ROBO2: variants seen among roughly 807,000 people sequenced by gnomAD.
The protein encoded by ROBO2 is roundabout guidance receptor 2.
In ROBO2, 53 loss-of-function variants were observed where a neutral mutation model predicts 160.8. The observed-to-expected ratio is 0.33, with a 90% CI of 0.26 to 0.41. The LOEUF (loss-of-function observed/expected upper bound fraction) is 0.41, where lower values mean the gene tolerates loss of function less well. Among genes scored for constraint, ROBO2 ranks in the 10% least tolerant of loss-of-function variants. The pLI is 1.00. For synonymous variants in ROBO2, 664 were observed against 611.7 expected, an observed-to-expected ratio of 1.09 and a Z score of -1.26; for missense variants, 1,577 against 1,722.4, an observed-to-expected ratio of 0.92 and a Z score of 1.49.
At chr3:76,514,962 A>G (rs2081278640) in intron 2 of ROBO2, among the ~76,000 whole-genome samples, 1 of 152,172 alleles carries the variant, frequency 6.6e-6, no homozygotes, top group Admixed American at 6.5e-5. Context: ...TGGTGTTTGC[A>G]TAATGTTTTT....
chr3:77,003,573 T>G (rs13064367), intron 2 of ROBO2, among the ~76,000 whole-genome samples: 1 of 152,120 alleles, frequency 6.6e-6, no homozygotes, highest in Admixed American at 6.6e-5. Flanking sequence ...TGTTCGTTTG[T>G]TTTTTGAGAC....
Position 77,628,029 on chromosome 3 carries a change from C to G in ROBO2, c.3760+5597C>G, listed in dbSNP as rs113779839. Among the ~76,000 whole-genome samples, 337 of 152,234 alleles carry G rather than the reference C, an allele frequency of 2.2e-3. 2 individuals are homozygous for G. The highest frequency in any genetic ancestry group is 7.8e-3 in the African/African-American group (324 of 41,554). On this transcript the variant is annotated intron_variant, in intron 23 of 25. Transcript: ENST00000461745. ...CACTTTATCATGATATTTTACTGCTCAGTAACATCTGAGCAACAACTTAAT... is the reference window on the plus strand; with the variant it reads ...CACTTTATCATGATATTTTACTGCTGAGTAACATCTGAGCAACAACTTAAT...
intron 2 of ROBO2, among the ~76,000 whole-genome samples, chr3:77,325,636 A>T (rs1163910855): frequency 1.3e-5 from 2 of 152,222 alleles, no homozygotes; most frequent in Non-Finnish European, 2.9e-5. Context: ...TAAAATGGCC[A>T]TCAAATTCTT....
chr3:76,161,412 A>T (rs2072633565), intron 2 of ROBO2, among the ~76,000 whole-genome samples: 1 of 152,142 alleles, frequency 6.6e-6, no homozygotes, highest in Admixed American at 6.6e-5. Flanking sequence ...GAAAAATCCT[A>T]AAACACATCA....
chr3:76,788,845 A>AG (rs1017850057), intron 2 of ROBO2, among the ~76,000 whole-genome samples: 35 of 151,598 alleles, frequency 2.3e-4, no homozygotes, highest in African/African-American at 8.5e-4. Flanking sequence ...GGGGATACTA[A>AG]GAGAAAGTTT....
At chr3:76,477,928 C>T (rs993570475) in intron 2 of ROBO2, among the ~76,000 whole-genome samples, 3 of 151,906 alleles carry the variant, frequency 2.0e-5, no homozygotes, top group Non-Finnish European at 4.4e-5. Flanking sequence ...TAGCAATTTT[C>T]CTCTCACAAT....
intron 2 of ROBO2, among the ~76,000 whole-genome samples, chr3:77,148,105 A>G (rs1355339073): frequency 6.6e-6 from 1 of 152,234 alleles, no homozygotes; most frequent in Non-Finnish European, 1.5e-5. Context: ...ATAAGAATGG[A>G]TAATAATAGC....
chr3:75,981,500 A>G (rs2065272737), intron 2 of ROBO2, among the ~76,000 whole-genome samples: 1 of 151,334 alleles, frequency 6.6e-6, no homozygotes, highest in African/African-American at 2.4e-5. Flanking sequence ...TGTGTGAGAG[A>G]TGTGGGTTGC....
chr3:77,577,011 G>T (rs142658796), intron 14 of ROBO2, among the ~76,000 whole-genome samples: 2 of 152,028 alleles, frequency 1.3e-5, no homozygotes, highest in Non-Finnish European at 2.9e-5. Flanking sequence ...AATAATTTTG[G>T]TTAGAAGAAG....
At chr3:77,509,119 C>T (rs1389726112) in intron 5 of ROBO2, among the ~76,000 whole-genome samples, 3 of 152,022 alleles carry the variant, frequency 2.0e-5, no homozygotes, top group African/African-American at 7.2e-5. Context: ...AGTGACAAGA[C>T]AAAGTAGTCG....
chr3:77,342,195 G>C (rs764417730), intron 2 of ROBO2, among the ~76,000 whole-genome samples: 14 of 152,236 alleles, frequency 9.2e-5, no homozygotes, highest in Non-Finnish European at 1.9e-4. Context: ...GATAGAAGCA[G>C]CAGGAATCAC....
chr3:76,526,702 A>G (rs3913574), intron 2 of ROBO2, among the ~76,000 whole-genome samples: 61,935 of 151,818 alleles, frequency 0.41, 14,814 homozygotes, highest in Non-Finnish European at 0.54. Flanking sequence ...AATTGTTGCA[A>G]CTCAACACAA....
chr3:76,574,621 G>GT (rs2085170523), intron 2 of ROBO2, among the ~76,000 whole-genome samples: 1 of 152,090 alleles, frequency 6.6e-6, no homozygotes, highest in Admixed American at 6.6e-5. Context: ...TAAAATGAGA[G>GT]TATACCCACT....
chr3:76,870,638 A>G (rs2071933460), intron 2 of ROBO2, among the ~76,000 whole-genome samples: 1 of 152,196 alleles, frequency 6.6e-6, no homozygotes, highest in South Asian at 2.1e-4. Context: ...AGAGTACGGC[A>G]TTTGGTAAAT....
At chr3:77,449,240 A>T (rs1162205877) in intron 2 of ROBO2, among the ~76,000 whole-genome samples, 2 of 152,114 alleles carry the variant, frequency 1.3e-5, no homozygotes. Flanking sequence ...GAATGAAATA[A>T]GCACTTTAGT....
At chr3:76,948,277 T>G (rs1221945370) in intron 2 of ROBO2, among the ~76,000 whole-genome samples, 2 of 152,156 alleles carry the variant, frequency 1.3e-5, no homozygotes, top group Non-Finnish European at 2.9e-5. Context: ...TGAATTTGTT[T>G]TTAGTTTTCT....
At chr3:76,396,915 T>G (rs2077490867) in intron 2 of ROBO2, among the ~76,000 whole-genome samples, 1 of 152,090 alleles carries the variant, frequency 6.6e-6, no homozygotes, top group African/African-American at 2.4e-5. Flanking sequence ...AATTTATAGG[T>G]TCAATGCCAT....
At chr3:77,040,806 A>G (rs750913996) in exon 1 of ROBO2, 3 of 1,614,146 alleles carry the variant, frequency 1.9e-6, no homozygotes, top group Admixed American at 1.7e-5. Context: ...TGATGTTTAC[A>G]CAACTACTGC....
chr3:76,054,643 A>G (rs1164413557), intron 2 of ROBO2, among the ~76,000 whole-genome samples: 1 of 152,226 alleles, frequency 6.6e-6, no homozygotes, highest in Non-Finnish European at 1.5e-5. Context: ...GGGAATTCCA[A>G]CAGGATTTGG....
Sources: gnomAD v4.1 joint callset for allele counts (sites outside exome capture counted in the v4.1 genomes callset) on GRCh38, gnomAD v4.1.1 for gene constraint, MANE v1.5 for transcripts, NCBI Gene and HGNC (gene_info 2026-07-23, HGNC 2026-07-21) for gene names.